The following PDE10A variants were observed in gnomAD, a reference collection of about 807,000 sequenced individuals.
The protein encoded by PDE10A is cAMP and cAMP-inhibited cGMP 3',5'-cyclic phosphodiesterase 10A.
In PDE10A, 39 loss-of-function variants were observed where a neutral mutation model predicts 97.7. The ratio of observed to expected loss-of-function variants is 0.40; its 90% CI spans 0.31 to 0.52. PDE10A has a LOEUF of 0.52. PDE10A is among the 20% of genes least tolerant of loss of function. PDE10A has a pLI of 0.56. For missense variants in PDE10A, 731 were observed against 1,047.8 expected (o/e 0.70, Z 4.17); for synonymous variants, 371 against 376.8 (o/e 0.98, Z 0.18).
intron 1 of PDE10A, among the ~76,000 whole-genome samples, chr6:165,635,135 A>G (rs755091139): frequency 6.6e-5 from 10 of 152,206 alleles, no homozygotes; most frequent in Non-Finnish European, 1.0e-4. Flanking sequence ...TCACTTCACT[A>G]AGACTGAGAG....
At chr6:165,767,715 T>G (rs142994427) in intron 1 of PDE10A, among the ~76,000 whole-genome samples, 14 of 152,352 alleles carry the variant, frequency 9.2e-5, no homozygotes, top group Non-Finnish European at 1.3e-4. Context: ...TTTTCCACTG[T>G]GGACTATTAT....
intron 1 of PDE10A, among the ~76,000 whole-genome samples, chr6:165,645,277 G>T (rs116936652): frequency 6.6e-6 from 1 of 152,106 alleles, no homozygotes; most frequent in Non-Finnish European, 1.5e-5. Flanking sequence ...CCAGTAACTC[G>T]CCTTTTACTG....
At chr6:165,394,656 A>G (rs1305019080) in intron 15 of PDE10A, among the ~76,000 whole-genome samples, 1 of 152,194 alleles carries the variant, frequency 6.6e-6, no homozygotes, top group East Asian at 1.9e-4. Flanking sequence ...GTTTTCTACA[A>G]TGGTTGAACT....
intron 1 of PDE10A, among the ~76,000 whole-genome samples, chr6:165,824,871 T>G (rs1354125283): frequency 6.6e-6 from 1 of 150,620 alleles, no homozygotes; most frequent in Non-Finnish European, 1.5e-5. Flanking sequence ...GGCTCATGCC[T>G]GTAATCCCAG....
chr6:165,797,905 T>C (rs1293620939), intron 1 of PDE10A, among the ~76,000 whole-genome samples: 4 of 152,236 alleles, frequency 2.6e-5, no homozygotes, highest in Non-Finnish European at 4.4e-5. Context: ...TGTTTTGTTT[T>C]CTCTACTTTG....
In PDE10A at chr6:165,594,038, T is replaced by C. The variant is rs150246576; in HGVS notation, c.866-50470A>G. ...TTTACAAAAATTAGGAAGAATCCTA[T>C]GGTACTGGATTTGAATTGGAGATAG... On this transcript the variant is annotated intron_variant, in intron 1 of 21. Transcript: ENST00000539869. Among the ~76,000 whole-genome samples, 28 of 152,350 alleles carry C rather than the reference T, an allele frequency of 1.8e-4. No individual in the cohort carries two copies. In the East Asian group the frequency reaches 5.2e-3, roughly 28 times the overall value.
Position 165,392,814 on chromosome 6 carries a change from T to C in PDE10A, c.2304-18A>G, listed in dbSNP as rs769000812. ...GCTCAAAGCTGCATGGAAAAGAAAT[T>C]GTTATGACTGAAACCAGTAGAGAAT... On this transcript the variant is annotated intron_variant, in intron 15 of 21. Transcript: ENST00000539869. 17 of 1,612,008 alleles carry C rather than the reference T, an allele frequency of 1.1e-5. No homozygotes were observed. Among genetic ancestry groups the C allele is most frequent in the Non-Finnish European group, 1.4e-5 (17 of 1,178,546 alleles).
intron 1 of PDE10A, among the ~76,000 whole-genome samples, chr6:165,561,009 G>A (rs1270577884): frequency 6.6e-6 from 1 of 152,062 alleles, no homozygotes; most frequent in Non-Finnish European, 1.5e-5. Context: ...CACGAGGTCA[G>A]GAGATCGAGA....
chr6:165,752,844 A>G (rs758313079), intron 1 of PDE10A, among the ~76,000 whole-genome samples: 2 of 152,228 alleles, frequency 1.3e-5, no homozygotes, highest in Non-Finnish European at 2.9e-5. Context: ...GGGTTATTCA[A>G]TGTCAACATG....
chr6:165,848,982 CTGTT>C (rs1172667062), intron 1 of PDE10A, among the ~76,000 whole-genome samples: 1 of 152,220 alleles, frequency 6.6e-6, no homozygotes, highest in African/African-American at 2.4e-5. Context: ...ATAACTGTGT[CTGTT>C]TGTGATGATT....
intron 5 of PDE10A, among the ~76,000 whole-genome samples, chr6:165,440,938 T>A (rs1417554151): frequency 6.6e-6 from 1 of 152,146 alleles, no homozygotes; most frequent in Non-Finnish European, 1.5e-5. Flanking sequence ...ATCAGGTATG[T>A]TATACATGTA....
chr6:165,703,786 C>T (rs551437127), intron 1 of PDE10A, among the ~76,000 whole-genome samples: 6 of 152,336 alleles, frequency 3.9e-5, no homozygotes, highest in South Asian at 2.1e-4. Context: ...GCTTCCATCC[C>T]GTCAGTCCCC....
At chr6:165,550,381 A>G (rs1783953321) in intron 1 of PDE10A, among the ~76,000 whole-genome samples, 2 of 152,346 alleles carry the variant, frequency 1.3e-5, no homozygotes, top group South Asian at 4.1e-4. Flanking sequence ...TACAAACAAT[A>G]AGTAAAATCA....
At position 165,605,867 on chromosome 6, in the gene PDE10A, T is replaced by C. The variant is rs577867007; in HGVS notation, c.865+56080A>G. Among the ~76,000 whole-genome samples the C allele has an allele frequency of 1.2e-4, 19 of 152,312 alleles. No homozygotes were observed. The East Asian group carries it at 3.7e-3, about 29-fold the overall frequency. On this transcript the variant is annotated intron_variant, in intron 1 of 21. Transcript: ENST00000539869. ...GACCACATAATGAAAGAGACAGGTT[T>C]TGATTCTAAATCTTTCTAGCACCCA...
At chr6:165,493,457 CA>C (rs1780342319) in intron 2 of PDE10A, among the ~76,000 whole-genome samples, 1 of 152,100 alleles carries the variant, frequency 6.6e-6, no homozygotes, top group African/African-American at 2.4e-5. Flanking sequence ...CCAAAGTCCT[CA>C]AAACAGCATG....
At chr6:165,560,597 G>A (rs1314932749) in intron 1 of PDE10A, among the ~76,000 whole-genome samples, 2 of 152,186 alleles carry the variant, frequency 1.3e-5, no homozygotes, top group Non-Finnish European at 2.9e-5. Context: ...CTTTTCTAAA[G>A]TAAATTCTAA....
At position 165,585,519 on chromosome 6, in the gene PDE10A, A is replaced by T. The variant is rs537171610; in HGVS notation, c.866-41951T>A. 4.0e-5 allele frequency among the ~76,000 whole-genome samples: 6 copies of T among 151,824 alleles called. No homozygotes were observed. In the South Asian group the frequency reaches 1.3e-3, roughly 32 times the overall value. Reference sequence around the variant, plus strand: ...GAGGCAGAGGAATTTTTGAGAGAGAAGTGCACAGAGGAAAAGGGGATGTGA... The same window carrying T: ...GAGGCAGAGGAATTTTTGAGAGAGATGTGCACAGAGGAAAAGGGGATGTGA... On this transcript the variant is annotated intron_variant, in intron 1 of 21. Coordinates refer to ENST00000539869, the MANE Select transcript of PDE10A (RefSeq NM_001385079.1).
intron 1 of PDE10A, among the ~76,000 whole-genome samples, chr6:165,953,590 C>CA (rs35801238): frequency 3.7e-4 from 55 of 147,816 alleles, no homozygotes; most frequent in East Asian, 6.0e-4. Context: ...GACTTCGTCT[C>CA]AAAAAAAAAA....
intron 1 of PDE10A, among the ~76,000 whole-genome samples, chr6:165,893,749 G>T (rs959547562): frequency 2.6e-5 from 4 of 151,654 alleles, no homozygotes; most frequent in Non-Finnish European, 4.4e-5. Context: ...TTCAATAAAG[G>T]TTTTGAGTGG....
Sources: allele counts gnomAD v4.1 joint callset (sites outside exome capture counted in the v4.1 genomes callset), GRCh38; gene constraint gnomAD v4.1.1; transcripts MANE v1.5; gene names NCBI Gene and HGNC (gene_info 2026-07-23, HGNC 2026-07-21).